Variants in MYH3 observed in about 807,000 individuals in gnomAD.
The protein encoded by MYH3 is myosin-3.
MYH3 carries 130 observed loss-of-function variants against 238.0 expected under a neutral mutation model. That is an observed-to-expected ratio of 0.55 (90% CI 0.47 to 0.63). The LOEUF is 0.63. MYH3 is among the 30% of genes least tolerant of loss of function. The probability of loss-of-function intolerance (pLI) is 0.00; values close to 1 mark genes in which losing one functional copy is unlikely to be tolerated. For missense variants in MYH3, 1,853 were observed against 2,374.9 expected (o/e 0.78, Z 4.57); for synonymous variants, 880 against 924.1 (o/e 0.95, Z 0.86).
At chr17:10,659,279 G>A (rs1217954493), upstream of MYH3, among the ~76,000 whole-genome samples, 2 of 152,298 alleles carry the variant, frequency 1.3e-5, no homozygotes, top group Middle Eastern at 3.4e-3. Flanking sequence ...CCCATATCAC[G>A]TTAGGACCTA....
intron 12 of MYH3, 116 bp from the exon 13 acceptor site, chr17:10,644,818 A>T (rs772654410): frequency 2.2e-5 from 18 of 808,554 alleles, no homozygotes; most frequent in Admixed American, 7.8e-5. Flanking sequence ...CCCTGTGGCT[A>T]AACTGCATAT....
chr17:10,652,720 C>T (rs1471327455), intron 3 of MYH3, among the ~76,000 whole-genome samples, 157 bp from the exon 4 acceptor site: 1 of 146,670 alleles, frequency 6.8e-6, no homozygotes, highest in East Asian at 2.1e-4. Flanking sequence ...CTCCCGGGTT[C>T]ACACCATTCT....
chr17:10,661,195 T>C (rs1031702100), upstream of MYH3, among the ~76,000 whole-genome samples: 2 of 150,076 alleles, frequency 1.3e-5, no homozygotes. Context: ...CAGGCTGGTC[T>C]TGAACTCCTG....
chr17:10,636,473 T>C (rs1241834349), intron 28 of MYH3, among the ~76,000 whole-genome samples: 2 of 152,058 alleles, frequency 1.3e-5, no homozygotes, highest in South Asian at 2.1e-4. Flanking sequence ...TATCGACAAA[T>C]ACATAGGGAA....
rs757802039 is a variant in MYH3, at chr17:10,638,196, C to T, written c.3576G>A (p.Ala1192=). The change falls in exon 27 of 41, where the codon GCG becomes GCA. Residue 1192 remains alanine, a synonymous_variant. Transcript: ENST00000583535. ...CACTATCCGCATGCTTCTTCCTCAG[C>T]GCGGCCACCATGGCTTCGTGCTGCA... The part of the protein sequence containing the change: ...ATLQHEAMVA[A]LRKKHADSVA... The T allele has an allele frequency of 1.3e-5, 21 of 1,613,710 alleles. No homozygotes were observed. The highest frequency in any genetic ancestry group is 1.5e-5 in the Non-Finnish European group (18 of 1,179,990).
rs760055603 is a variant in MYH3, at chr17:10,635,066, A to G, written c.4173-43T>C. On this transcript the variant is annotated intron_variant, in intron 30 of 40. Coordinates refer to ENST00000583535, the MANE Select transcript of MYH3 (RefSeq NM_002470.4). ...AGAAGCAGCTGTTATTTCAGTTTCCATCCACTTGAACATCACTATTCATCA... is the reference window on the plus strand; with the variant it reads ...AGAAGCAGCTGTTATTTCAGTTTCCGTCCACTTGAACATCACTATTCATCA... The G allele has an allele frequency of 3.2e-6, 5 of 1,585,696 alleles. No homozygotes were observed. The Admixed American group carries it at 6.7e-5, about 21-fold the overall frequency.
chr17:10,635,358 G>A lies in MYH3; in HGVS notation c.4172+9C>T, dbSNP rs116028239. ...AGTAGTTCTTCTAAAAGCAAACAGAGCTGCGCACTTGGCCTCCTCCAGCTC... is the reference window on the plus strand; with the variant it reads ...AGTAGTTCTTCTAAAAGCAAACAGAACTGCGCACTTGGCCTCCTCCAGCTC... On this transcript the variant is annotated intron_variant, in intron 30 of 40. Transcript: ENST00000583535. The A allele has an allele frequency of 6.1e-4, 981 of 1,614,012 alleles. 4 individuals carry two copies. In the African/African-American group the frequency reaches 0.012, roughly 19 times the overall value.
chr17:10,629,380 T>A (rs964639463), intron 40 of MYH3, among the ~76,000 whole-genome samples: 2 of 152,074 alleles, frequency 1.3e-5, no homozygotes, highest in Non-Finnish European at 2.9e-5. Flanking sequence ...TATGGCTGCA[T>A]AGTATTCCAT....
rs748104095 is a variant in MYH3, at chr17:10,645,818, G to C, written c.1030C>G (p.Pro344Ala). ...DSAIDILGFT[P>A]EEKSGLYKLT... The stretch of plus-strand genomic sequence containing the variant: ...TTGTAGAGCCCAGATTTCTCTTCTG[G>C]GGTGAAGCCCAGGATGTCAATGGCG... Residue 344 changes from proline (P) to alanine (A), a missense_variant, in exon 12 of 41, where the codon CCA (proline) becomes GCA (alanine). Around this residue, in one of 3 missense-constraint regions of MYH3, gnomAD observed 678 missense variants for 1,058.9 expected, o/e 0.64. Transcript: ENST00000583535. 2 of 1,613,740 alleles carry C rather than the reference G, an allele frequency of 1.2e-6. No homozygotes were observed. Among genetic ancestry groups the C allele is most frequent in the African/African-American group, 2.7e-5 (2 of 74,822 alleles).
chr17:10,650,209 C>T (rs1030119527), intron 6 of MYH3, among the ~76,000 whole-genome samples, 165 bp downstream of exon 6: 2 of 152,070 alleles, frequency 1.3e-5, no homozygotes, highest in East Asian at 1.9e-4. Flanking sequence ...TCTCCTGGAC[C>T]TCGTGATCCG....
chr17:10,677,731 T>C, the MYH3 span: 3 of 152,212 alleles, frequency 2.0e-5, no homozygotes, highest in African/African-American at 7.2e-5. Flanking sequence ...AATAAACAAG[T>C]GGCATTTCTT....
chr17:10,633,615 G>T lies in MYH3; in HGVS notation c.4623C>A (p.Ile1541=). 1 of 1,613,668 alleles carries T rather than the reference G, an allele frequency of 6.2e-7. No individual in the cohort carries two copies. The highest frequency in any genetic ancestry group is 8.5e-7 in the Non-Finnish European group (1 of 1,179,922). Residue 1541 remains isoleucine, a synonymous_variant, in exon 33 of 41, where the codon ATC becomes ATA. Coordinates refer to ENST00000583535, the MANE Select transcript of MYH3 (RefSeq NM_002470.4). ...RKQIELEKAD[I]QLALEEAEAA... is the part of the protein sequence containing the mutation. Reference sequence around the variant, plus strand: ...CCTCTGCTTCCTCGAGAGCCAGCTGGATATCAGCCTTTTCCAGCTCAATCT... The same window carrying T: ...CCTCTGCTTCCTCGAGAGCCAGCTGTATATCAGCCTTTTCCAGCTCAATCT...
chr17:10,647,679 G>C (rs2074335940), intron 8 of MYH3, among the ~76,000 whole-genome samples: 2 of 152,172 alleles, frequency 1.3e-5, no homozygotes, highest in Non-Finnish European at 2.9e-5. Flanking sequence ...TGAGTAGCTG[G>C]GACTACAATC....
Position 10,633,603 on chromosome 17 carries a change from G to A in MYH3, c.4635C>T (p.Leu1545=), listed in dbSNP as rs74406856. 1.1e-4 allele frequency: 176 copies of A among 1,613,296 alleles called. No homozygotes were observed. The African/African-American group carries it at 1.5e-3, about 14-fold the overall frequency. ...TCCCAGCACTCACCTCTGCTTCCTC[G>A]AGAGCCAGCTGGATATCAGCCTTTT... The part of the protein sequence containing the change: ...ELEKADIQLA[L]EEAEAALEHE... Residue 1545 remains leucine (L), a synonymous_variant, in exon 33 of 41, where the codon CTC becomes CTT. Coordinates refer to ENST00000583535, the MANE Select transcript of MYH3 (RefSeq NM_002470.4).
At chr17:10,675,042 G>A in the MYH3 span, 1 of 152,046 alleles carries the variant, frequency 6.6e-6, no homozygotes, top group African/African-American at 2.4e-5. Context: ...AGGGTCCCAG[G>A]GCCCTAGAAG....
chr17:10,677,737 T>C, the MYH3 span: 1 of 152,370 alleles, frequency 6.6e-6, no homozygotes, highest in East Asian at 1.9e-4. Context: ...CAAGTGGCAT[T>C]TCTTAAAATA....
chr17:10,629,645 A>G lies in MYH3; in HGVS notation c.5748T>C (p.Ser1916=). 1.2e-6 allele frequency: 2 copies of G among 1,614,106 alleles called. No individual in the cohort carries two copies. The highest frequency in any genetic ancestry group is 1.7e-6 in the Non-Finnish European group (2 of 1,180,044). The stretch of plus-strand genomic sequence containing the variant: ...TCTTAGCGCGGAGCTTGTTGACTTG[A>G]GATTCTGCGATATCCGCACGTTCCT... ...EAEERADIAE[S]QVNKLRAKTR... is the part of the protein sequence containing the mutation. The change falls in exon 40 of 41, where the codon TCT becomes TCC. Residue 1916 remains serine (S), a synonymous_variant. Transcript: ENST00000583535.
intron 2 of MYH3, among the ~76,000 whole-genome samples, 151 bp downstream of exon 2, chr17:10,655,939 T>C (rs1567564481): frequency 6.6e-6 from 1 of 152,132 alleles, no homozygotes; most frequent in Non-Finnish European, 1.5e-5. Flanking sequence ...TGTGAGCCAT[T>C]GCACCCGGCC....
In MYH3 at chr17:10,633,681, T is replaced by G; in HGVS notation, c.4557A>C (p.Glu1519Asp). The G allele has an allele frequency of 6.2e-7, 1 of 1,614,098 alleles. No individual in the cohort carries two copies. Among genetic ancestry groups the G allele is most frequent in the Non-Finnish European group, 8.5e-7 (1 of 1,180,006 alleles). Residue 1519 changes from glutamate to aspartate, a missense_variant, in exon 33 of 41, where the codon GAA (glutamate) becomes GAC (aspartate). Coordinates refer to ENST00000583535, the MANE Select transcript of MYH3 (RefSeq NM_002470.4). ...EIADLTEQIAENGKTIHELEK... is the reference protein window; with the variant it reads ...EIADLTEQIADNGKTIHELEK... The stretch of plus-strand genomic sequence containing the variant: ...CCAGTTCATGGATGGTTTTGCCATT[T>G]TCAGCAATTTGTTCTGTGAGATCTG...
Sources: allele counts gnomAD v4.1 joint callset (sites outside exome capture counted in the v4.1 genomes callset), GRCh38; gene constraint gnomAD v4.1.1; regional missense constraint gnomAD v4.1.1; transcripts MANE v1.5; gene names NCBI Gene and HGNC (gene_info 2026-07-23, HGNC 2026-07-21).